Variants in PCDH15 observed in about 807,000 individuals in gnomAD.
PCDH15 encodes protocadherin related 15, also known as protocadherin-15.
PCDH15 carries 129 observed loss-of-function variants against 178.5 expected under a neutral mutation model. The observed-to-expected ratio is 0.72, with a 90% confidence interval of 0.63 to 0.84. PCDH15 has a LOEUF of 0.84. Among genes scored for constraint, PCDH15 ranks in the 40% least tolerant of loss-of-function variants. The pLI is 0.00. For missense variants in PCDH15, 2,230 were observed against 2,099.9 expected, an observed-to-expected ratio of 1.06 and a Z score of -1.21; for synonymous variants, 800 against 732.0, an observed-to-expected ratio of 1.09 and a Z score of -1.50.
intron 10 of PCDH15, among the ~76,000 whole-genome samples, chr10:54,205,343 C>T (rs2050681947): frequency 6.6e-6 from 1 of 152,052 alleles, no homozygotes; most frequent in South Asian, 2.1e-4. Flanking sequence ...TTAATTTGGA[C>T]TTAGTTGGAA....
At chr10:54,675,945 A>ATCCC (rs1360523540) in intron 1 of PCDH15, among the ~76,000 whole-genome samples, 1 of 152,168 alleles carries the variant, frequency 6.6e-6, no homozygotes, top group Admixed American at 6.6e-5. Context: ...GTTCTTGTCA[A>ATCCC]ATCTGTATTA....
At chr10:54,318,051 A>G (rs894472860) in intron 7 of PCDH15, among the ~76,000 whole-genome samples, 3 of 152,164 alleles carry the variant, frequency 2.0e-5, no homozygotes, top group African/African-American at 7.2e-5. Flanking sequence ...AAACCTTGTA[A>G]TTGTAAATTC....
At chr10:54,575,043 C>T (rs1356758933) in intron 2 of PCDH15, among the ~76,000 whole-genome samples, 2 of 142,584 alleles carry the variant, frequency 1.4e-5, no homozygotes, top group Admixed American at 7.1e-5. Flanking sequence ...AGTAAACTAT[C>T]GCAAGAACAA....
intron 21 of PCDH15, among the ~76,000 whole-genome samples, chr10:53,967,473 T>A (rs2089162540): frequency 6.6e-6 from 1 of 152,212 alleles, no homozygotes; most frequent in East Asian, 1.9e-4. Flanking sequence ...GATTTCTTTA[T>A]GTTGCCCAGG....
At chr10:54,604,109 T>C (rs1241329872) in intron 2 of PCDH15, among the ~76,000 whole-genome samples, 1 of 152,038 alleles carries the variant, frequency 6.6e-6, no homozygotes. Context: ...TACCATTAAC[T>C]GATTTACACT....
chr10:54,570,680 GTC>G (rs2089686400), intron 2 of PCDH15, among the ~76,000 whole-genome samples: 1 of 151,912 alleles, frequency 6.6e-6, no homozygotes, highest in Non-Finnish European at 1.5e-5. Flanking sequence ...TTGAGATGGA[GTC>G]TCTCTCTGTT....
intron 1 of PCDH15, among the ~76,000 whole-genome samples, chr10:54,790,875 T>C (rs535224515): frequency 1.3e-5 from 2 of 151,912 alleles, no homozygotes; most frequent in East Asian, 3.9e-4. Flanking sequence ...GGTAGCTAAA[T>C]AAAACTGCTT....
intron 15 of PCDH15, among the ~76,000 whole-genome samples, chr10:54,100,837 T>A (rs1186425787): frequency 4.8e-5 from 7 of 146,400 alleles, no homozygotes. Flanking sequence ...TGGGGGGGGA[T>A]TTTTTTTTTT....
At chr10:54,838,802 G>A (rs535804935) in intron 3 of PCDH15, among the ~76,000 whole-genome samples, 3 of 152,246 alleles carry the variant, frequency 2.0e-5, no homozygotes, top group East Asian at 1.9e-4. Context: ...GTAACTTGGC[G>A]CCAGCCCCTC....
chr10:54,756,485 G>T (rs1947138891), intron 1 of PCDH15, among the ~76,000 whole-genome samples: 1 of 152,050 alleles, frequency 6.6e-6, no homozygotes, highest in Non-Finnish European at 1.5e-5. Context: ...CATCAATATA[G>T]AATAAGCCAT....
At chr10:55,199,886 A>G (rs1049669094) in intron 1 of PCDH15, among the ~76,000 whole-genome samples, 3 of 152,120 alleles carry the variant, frequency 2.0e-5, no homozygotes, top group Non-Finnish European at 2.9e-5. Flanking sequence ...GTGCACAGAA[A>G]GCAAGAATTA....
At chr10:55,043,331 T>C (rs763450024) in intron 2 of PCDH15, among the ~76,000 whole-genome samples, 12 of 152,134 alleles carry the variant, frequency 7.9e-5, no homozygotes, top group Non-Finnish European at 1.3e-4. Flanking sequence ...GGATTATATC[T>C]GGATGCACTC....
chr10:54,105,301 T>G (rs1408595514), intron 15 of PCDH15, among the ~76,000 whole-genome samples: 18 of 98,370 alleles, frequency 1.8e-4, no homozygotes, highest in African/African-American at 8.3e-4. Context: ...TATATATATA[T>G]ATATATATAT....
chr10:53,998,471 A>G (rs1026683621), intron 20 of PCDH15, among the ~76,000 whole-genome samples: 1 of 152,182 alleles, frequency 6.6e-6, no homozygotes, highest in Non-Finnish European at 1.5e-5. Context: ...TTTATTTGCT[A>G]CATTAGAGTC....
intron 2 of PCDH15, among the ~76,000 whole-genome samples, chr10:55,360,471 A>G (rs528746939): frequency 2.4e-4 from 37 of 152,010 alleles, no homozygotes; most frequent in African/African-American, 8.9e-4. Flanking sequence ...GAATGGGAGG[A>G]AAAAAATTGT....
At chr10:54,465,246 T>A (rs2077441277) in intron 3 of PCDH15, among the ~76,000 whole-genome samples, 1 of 152,104 alleles carries the variant, frequency 6.6e-6, no homozygotes, top group African/African-American at 2.4e-5. Context: ...TTCATCTCAA[T>A]GCGTTAAAAA....
chr10:55,371,254 T>C (rs1329200137), intron 2 of PCDH15, among the ~76,000 whole-genome samples: 2 of 152,098 alleles, frequency 1.3e-5, no homozygotes, highest in African/African-American at 2.4e-5. Flanking sequence ...TGTGATCTCA[T>C]ACCAGCACAA....
In PCDH15 at chr10:54,698,452, G is replaced by T. The variant is rs547558088; in HGVS notation, c.-28-34162C>A. Among the ~76,000 whole-genome samples, 29 of 152,186 alleles carry T rather than the reference G, an allele frequency of 1.9e-4. 2 individuals carry two copies. The South Asian group carries it at 2.9e-3, about 15-fold the overall frequency. ...TTCTGTGTTTAGAAGGATTCCGAGGGTGTCTGTTGCTGAGCAGAGAAAAAG... is the reference window on the plus strand; with the variant it reads ...TTCTGTGTTTAGAAGGATTCCGAGGTTGTCTGTTGCTGAGCAGAGAAAAAG... On this transcript the variant is annotated intron_variant, in intron 1 of 37. Transcript: ENST00000644397.
At chr10:55,163,903 G>C (rs1441146184) in intron 2 of PCDH15, among the ~76,000 whole-genome samples, 4 of 152,138 alleles carry the variant, frequency 2.6e-5, no homozygotes, top group Non-Finnish European at 5.9e-5. Flanking sequence ...TAACTGTTAA[G>C]TATACTCAGT....
Sources: gnomAD v4.1 joint callset for allele counts (sites outside exome capture counted in the v4.1 genomes callset) on GRCh38, gnomAD v4.1.1 for gene constraint, MANE v1.5 for transcripts, NCBI Gene and HGNC (gene_info 2026-07-23, HGNC 2026-07-21) for gene names.